VPS8: variants seen among roughly 807,000 people sequenced by gnomAD.
VPS8 encodes vacuolar protein sorting-associated protein 8 homolog.
In VPS8, 129 loss-of-function variants were observed where a neutral mutation model predicts 216.4. That is an observed-to-expected ratio of 0.60 (90% CI 0.52 to 0.69). VPS8 has a LOEUF of 0.69. VPS8 is among the 30% of genes least tolerant of loss of function. The pLI, the probability that VPS8 is intolerant of heterozygous loss-of-function variation, is 0.00. For missense variants in VPS8, 1,531 were observed against 1,683.5 expected (o/e 0.91, Z 1.59); for synonymous variants, 571 against 565.4 (o/e 1.01, Z -0.14).
intron 10 of VPS8, among the ~76,000 whole-genome samples, chr3:184,851,791 TA>T: frequency 6.6e-6 from 1 of 152,328 alleles, no homozygotes; most frequent in East Asian, 1.9e-4. Flanking sequence ...GATGGTTCAC[TA>T]ACCTTTGAGT....
rs76689896 is a variant in VPS8 at position 184,947,368 on chromosome 3, G to C, written c.3035+7125G>C. 2.0e-4 allele frequency among the ~76,000 whole-genome samples: 30 copies of C among 152,204 alleles called. No individual in the cohort carries two copies. In the East Asian group the frequency reaches 5.4e-3, roughly 27 times the overall value. Reference sequence around the variant, plus strand: ...AGGTGGGTAGCTCTGGAGAGATTTTGGGTTAGAGATTTTGACATAAGAGTT... The same window carrying C: ...AGGTGGGTAGCTCTGGAGAGATTTTCGGTTAGAGATTTTGACATAAGAGTT... On this transcript the variant is annotated intron_variant, in intron 36 of 47. Transcript: ENST00000625842.
At chr3:184,936,173 CG>C in intron 34 of VPS8, 72 bp from the exon 35 acceptor site, 1 of 1,302,726 alleles carries the variant, frequency 7.7e-7, no homozygotes, top group South Asian at 1.3e-5. Context: ...GGTAGGTAAT[CG>C]TGCCTCACAT....
At chr3:185,026,656 G>T (rs547948044) in intron 46 of VPS8, among the ~76,000 whole-genome samples, 18 of 148,246 alleles carry the variant, frequency 1.2e-4, no homozygotes, top group South Asian at 2.1e-4. Context: ...TGATCCATCC[G>T]CCTTGGCCTC....
Position 184,894,687 on chromosome 3 carries a change from C to T in VPS8, c.1782-16C>T, listed in dbSNP as rs763429638. On this transcript the variant is annotated splice_polypyrimidine_tract_variant and intron_variant, in intron 22 of 47. Transcript: ENST00000625842. ...GCATGTTCCTAAAAGTTTTTCTCCC[C>T]CCCTTTCTGTTACAGGGATCTTTTA... The T allele has an allele frequency of 3.8e-6, 6 of 1,565,968 alleles. No individual in the cohort carries two copies. The highest frequency in any genetic ancestry group is 8.7e-7 in the Non-Finnish European group (1 of 1,152,888).
At chr3:184,824,455 CAAGT>C (rs1391735803) in intron 1 of VPS8, 86 bp from the exon 2 acceptor site, 1 of 650,390 alleles carries the variant, frequency 1.5e-6, no homozygotes, top group Non-Finnish European at 2.5e-6. Flanking sequence ...GAAATCTGAC[CAAGT>C]AAGTCTTTGG....
intron 45 of VPS8, among the ~76,000 whole-genome samples, chr3:185,014,359 A>G (rs1755478950): frequency 6.6e-6 from 1 of 152,142 alleles, no homozygotes; most frequent in Admixed American, 6.5e-5. Context: ...CATGGCTGCA[A>G]CCAGGGGGTC....
intron 16 of VPS8, among the ~76,000 whole-genome samples, chr3:184,866,523 A>G (rs1727385973): frequency 6.6e-6 from 1 of 152,348 alleles, no homozygotes; most frequent in African/African-American, 2.4e-5. Context: ...TCTGTGCCTA[A>G]TGAGTGAATT....
chr3:184,993,534 A>T (rs769584805), intron 42 of VPS8, among the ~76,000 whole-genome samples: 3 of 152,114 alleles, frequency 2.0e-5, no homozygotes, highest in Non-Finnish European at 4.4e-5. Flanking sequence ...TTTTCTCAGA[A>T]CCTGTTTGTC....
chr3:184,864,723 A>G (rs1727015328), intron 16 of VPS8, among the ~76,000 whole-genome samples: 1 of 152,206 alleles, frequency 6.6e-6, no homozygotes, highest in Non-Finnish European at 1.5e-5. Flanking sequence ...TTTCCAAATC[A>G]CTTATCTCCT....
chr3:184,849,878 A>T, intron 9 of VPS8, 58 bp from the exon 10 acceptor site: 1 of 1,290,212 alleles, frequency 7.8e-7, no homozygotes, highest in Non-Finnish European at 1.1e-6. Flanking sequence ...AAGGCAGGAT[A>T]CTTAAGTCCA....
intron 22 of VPS8, among the ~76,000 whole-genome samples, chr3:184,892,373 T>C (rs1021264030): frequency 6.6e-6 from 1 of 152,082 alleles, no homozygotes; most frequent in Non-Finnish European, 1.5e-5. Context: ...CGTGCCACCA[T>C]ACGCAGCTAA....
At chr3:185,037,290 T>C (rs1759051307) in intron 46 of VPS8, among the ~76,000 whole-genome samples, 2 of 152,162 alleles carry the variant, frequency 1.3e-5, no homozygotes, top group Non-Finnish European at 2.9e-5. Context: ...TTTGAATATG[T>C]GGCCTCCATT....
chr3:184,978,741 C>T (rs1342760308), intron 40 of VPS8, among the ~76,000 whole-genome samples: 1 of 152,094 alleles, frequency 6.6e-6, no homozygotes, highest in South Asian at 2.1e-4. Flanking sequence ...CTTATTTATT[C>T]TTTCAAAGAA....
At chr3:184,920,337 T>C (rs1738389150) in intron 29 of VPS8, 139 bp downstream of exon 29, 5 of 576,746 alleles carry the variant, frequency 8.7e-6, no homozygotes, top group African/African-American at 7.9e-5. Context: ...GTGTCTTTGT[T>C]CTCAAGAGCT....
intron 40 of VPS8, among the ~76,000 whole-genome samples, chr3:184,977,889 T>C (rs1749561177): frequency 6.7e-6 from 1 of 149,824 alleles, no homozygotes; most frequent in African/African-American, 2.4e-5. Context: ...TTTTTCTTTT[T>C]TTTTTTTTTT....
At chr3:184,919,188 T>G (rs1162004281) in intron 28 of VPS8, 2 of 152,198 alleles carry the variant, frequency 1.3e-5, no homozygotes. Flanking sequence ...AACAGGAGTA[T>G]GATGTAGTCT....
intron 46 of VPS8, among the ~76,000 whole-genome samples, chr3:185,025,439 C>A (rs1757209547): frequency 6.6e-6 from 1 of 152,182 alleles, no homozygotes; most frequent in Non-Finnish European, 1.5e-5. Context: ...GCTCTGTTGA[C>A]TAACAGGAGG....
chr3:185,045,655 C>G (rs1340372248), intron 46 of VPS8, among the ~76,000 whole-genome samples: 1 of 151,848 alleles, frequency 6.6e-6, no homozygotes, highest in East Asian at 1.9e-4. Context: ...CCTATAATCT[C>G]TCCTACTCAG....
Position 184,928,441 on chromosome 3 carries a change from A to G in VPS8, c.2632-10A>G. On this transcript the variant is annotated splice_polypyrimidine_tract_variant and intron_variant, in intron 31 of 47. Coordinates refer to ENST00000625842, the MANE Select transcript of VPS8 (RefSeq NM_001009921.3). Reference sequence around the variant, plus strand: ...TCAAGTGTTTTTACTCATTTATTGTAAATACTCAGGTCCTTTTAGAATTGC... The same window carrying G: ...TCAAGTGTTTTTACTCATTTATTGTGAATACTCAGGTCCTTTTAGAATTGC... 6.5e-7 allele frequency: 1 copy of G among 1,532,616 alleles called. No individual in the cohort carries two copies. The highest frequency in any genetic ancestry group is 8.7e-7 in the Non-Finnish European group (1 of 1,151,820). The allele number at this position is 1,532,616 out of a possible 1,614,324, so 94.9% of individuals were successfully genotyped here.
Sources: allele counts gnomAD v4.1 joint callset (sites outside exome capture counted in the v4.1 genomes callset), GRCh38; gene constraint gnomAD v4.1.1; transcripts MANE v1.5; gene names NCBI Gene and HGNC (gene_info 2026-07-23, HGNC 2026-07-21).